DNAH6: variants seen among roughly 807,000 people sequenced by gnomAD.
DNAH6 encodes the protein dynein axonemal heavy chain 6, also known as axonemal beta dynein heavy chain 6.
Under a neutral mutation model 491.4 loss-of-function variants are expected in DNAH6, and 340 were observed. That is an observed-to-expected ratio of 0.69 (90% CI 0.63 to 0.76). The LOEUF (loss-of-function observed/expected upper bound fraction) is 0.76, where lower values mean the gene tolerates loss of function less well. Among genes scored for constraint, DNAH6 ranks in the 30% least tolerant of loss-of-function variants. The pLI, the probability that DNAH6 is intolerant of heterozygous loss-of-function variation, is 0.00. For synonymous variants in DNAH6, 1,603 were observed against 1,686.1 expected, an observed-to-expected ratio of 0.95 and a Z score of 1.21; for missense variants, 4,443 against 4,972.2, an observed-to-expected ratio of 0.89 and a Z score of 3.20.
intron 11 of DNAH6, among the ~76,000 whole-genome samples, chr2:84,572,022 A>T (rs60260954): frequency 0.011 from 1,734 of 152,308 alleles, 33 homozygotes; most frequent in African/African-American, 0.04. Context: ...TCCTTTTACT[A>T]TGAAATTCAT....
At chr2:84,671,527 C>T (rs1311963440) in intron 39 of DNAH6, among the ~76,000 whole-genome samples, 1 of 152,208 alleles carries the variant, frequency 6.6e-6, no homozygotes, top group African/African-American at 2.4e-5. Flanking sequence ...GCTTCACTGC[C>T]TTCTGTCTCT....
intron 11 of DNAH6, among the ~76,000 whole-genome samples, chr2:84,571,825 G>A (rs1005459592): frequency 5.7e-4 from 86 of 151,908 alleles, no homozygotes; most frequent in African/African-American, 2.0e-3. Context: ...AGACTGAGAC[G>A]GAGAATTGCT....
intron 9 of DNAH6, 90 bp downstream of exon 9, chr2:84,550,147 C>A: frequency 4.7e-6 from 5 of 1,068,118 alleles, no homozygotes; most frequent in Admixed American, 2.9e-5. Context: ...ATTTTCTGTG[C>A]ACTAAAAAAA....
At chr2:84,476,354 C>T in the DNAH6 span, among the ~76,000 whole-genome samples, 1 of 152,160 alleles carries the variant, frequency 6.6e-6, no homozygotes, top group Non-Finnish European at 1.5e-5. Flanking sequence ...CCAATTGCTC[C>T]AGGTTTTAAT....
chr2:84,588,018 T>TG (rs1217583807), intron 15 of DNAH6, among the ~76,000 whole-genome samples: 1 of 152,232 alleles, frequency 6.6e-6, no homozygotes, highest in Non-Finnish European at 1.5e-5. Context: ...TTTCTTATCC[T>TG]GGCCTCAGAC....
At chr2:84,486,846 A>G in the DNAH6 span, among the ~76,000 whole-genome samples, 2 of 152,196 alleles carry the variant, frequency 1.3e-5, no homozygotes, top group Non-Finnish European at 2.9e-5. Flanking sequence ...TGTTCCCTGG[A>G]CTCAGTGGCT....
intron 68 of DNAH6, among the ~76,000 whole-genome samples, chr2:84,794,624 T>C (rs1163308401): frequency 1.3e-5 from 2 of 149,818 alleles, no homozygotes; most frequent in Admixed American, 1.3e-4. Flanking sequence ...AAAACCACAA[T>C]GAGATACCAT....
intron 33 of DNAH6, among the ~76,000 whole-genome samples, chr2:84,649,711 A>G (rs1690234265): frequency 6.6e-6 from 1 of 152,004 alleles, no homozygotes; most frequent in South Asian, 2.1e-4. Flanking sequence ...GCAAACTATA[A>G]AAAGGAATGA....
intron 45 of DNAH6, among the ~76,000 whole-genome samples, chr2:84,692,974 A>G (rs970614526): frequency 1.3e-5 from 2 of 152,212 alleles, no homozygotes; most frequent in Non-Finnish European, 2.9e-5. Flanking sequence ...GATTTCTACT[A>G]TAAAACTTCT....
intron 43 of DNAH6, 29 bp from the exon 44 acceptor site, chr2:84,686,455 T>C (rs1694265841): frequency 7.9e-7 from 1 of 1,266,716 alleles, no homozygotes. Context: ...TATCATTATA[T>C]TTAAAACTTG....
At chr2:84,763,503 G>C (rs1451509941) in intron 64 of DNAH6, among the ~76,000 whole-genome samples, 1 of 151,888 alleles carries the variant, frequency 6.6e-6, no homozygotes, top group Non-Finnish European at 1.5e-5. Flanking sequence ...ATGTCATCCA[G>C]GTAGGTAAAA....
the DNAH6 span, among the ~76,000 whole-genome samples, chr2:84,497,596 AT>A: frequency 1.3e-5 from 2 of 152,178 alleles, no homozygotes; most frequent in Non-Finnish European, 2.9e-5. Flanking sequence ...CCAACCCAGA[AT>A]TTTAAGCCAT....
At chr2:84,517,682 G>A in intron 1 of DNAH6, 137 bp from the exon 2 acceptor site, 1 of 654,384 alleles carries the variant, frequency 1.5e-6, no homozygotes, top group Non-Finnish European at 2.6e-6. Context: ...GAAGACTGGG[G>A]TAACTTTGAT....
At chr2:84,600,147 G>C (rs1256842930) in intron 18 of DNAH6, among the ~76,000 whole-genome samples, 1 of 152,118 alleles carries the variant, frequency 6.6e-6, no homozygotes, top group Non-Finnish European at 1.5e-5. Flanking sequence ...ACTCAGAGAG[G>C]AGTGTTGAAC....
Position 84,529,149 on chromosome 2 carries a change from T to C in DNAH6, c.645T>C (p.Tyr215=). 6.5e-7 allele frequency: 1 copy of C among 1,546,726 alleles called. No individual in the cohort carries two copies. Residue 215 remains tyrosine (Y), a synonymous_variant, in exon 4 of 77, where the codon TAT becomes TAC. Transcript: ENST00000389394. ...IPAVPRSSIE[Y]DTYNLKVVSY... ...CAGTGCCAAGATCATCCATTGAATA[T>C]GATACATATAATCTAAAGTGAGTTA... is the stretch of plus-strand genomic sequence containing the variant.
the DNAH6 span, among the ~76,000 whole-genome samples, chr2:84,499,935 G>T: frequency 6.6e-6 from 1 of 150,690 alleles, no homozygotes; most frequent in African/African-American, 2.4e-5. Flanking sequence ...ATATATTCCG[G>T]TTAGTAATCT....
chr2:84,529,471 A>T (rs1676947788), intron 4 of DNAH6, among the ~76,000 whole-genome samples: 2 of 152,164 alleles, frequency 1.3e-5, no homozygotes, highest in South Asian at 4.1e-4. Context: ...CTGAGAAAAG[A>T]GGATGGCAAC....
intron 76 of DNAH6, among the ~76,000 whole-genome samples, chr2:84,819,056 T>C (rs1228690709): frequency 6.6e-6 from 1 of 151,800 alleles, no homozygotes; most frequent in African/African-American, 2.4e-5. Context: ...GCCTGGGTGA[T>C]AGAGTGAGAC....
chr2:84,591,877 TG>T (rs56979732), intron 16 of DNAH6, among the ~76,000 whole-genome samples: 8,379 of 152,200 alleles, frequency 0.055, 362 homozygotes, highest in South Asian at 0.19. Context: ...CAACAAACGG[TG>T]TTAAGGAACT....
Sources: allele counts gnomAD v4.1 joint callset (sites outside exome capture counted in the v4.1 genomes callset), GRCh38; gene constraint gnomAD v4.1.1; transcripts MANE v1.5; gene names NCBI Gene and HGNC (gene_info 2026-07-23, HGNC 2026-07-21).